MTMR7: variants seen among roughly 807,000 people sequenced by gnomAD.
MTMR7 encodes phosphatidylinositol-3-phosphate phosphatase MTMR7.
In MTMR7, 76 loss-of-function variants were observed where a neutral mutation model predicts 81.2. That is an observed-to-expected ratio of 0.94 (90% CI 0.78 to 1.13). The LOEUF (loss-of-function observed/expected upper bound fraction) is 1.13, where lower values mean the gene tolerates loss of function less well. MTMR7 is among the 50% of genes most tolerant of loss of function. The pLI, the probability that MTMR7 is intolerant of heterozygous loss-of-function variation, is 0.00. For synonymous variants in MTMR7, 372 were observed against 289.8 expected (o/e 1.28, Z -2.88); for missense variants, 1,044 against 820.0 (o/e 1.27, Z -3.34).
In MTMR7 at chr8:17,312,705, T is replaced by G. The variant is rs114548454; in HGVS notation, c.975+587A>C. On this transcript the variant is annotated intron_variant, in intron 8 of 13. Coordinates refer to ENST00000180173, the MANE Select transcript of MTMR7 (RefSeq NM_004686.5). ...ATCTAGAATAGTACCTGGCACTAAA[T>G]AAAGATTTCTTGAATAAATGATTAC... Among the ~76,000 whole-genome samples the G allele has an allele frequency of 4.2e-3, 635 of 151,866 alleles. 7 individuals are homozygous for G. Among genetic ancestry groups the G allele is most frequent in the African/African-American group, 0.014 (573 of 41,438 alleles).
intron 8 of MTMR7, 37 bp downstream of exon 8, chr8:17,313,255 A>C (rs1285454917): frequency 6.7e-7 from 1 of 1,498,426 alleles, no homozygotes; most frequent in South Asian, 1.1e-5. Flanking sequence ...TGGTTTGCTC[A>C]TCTGTCCCTT....
intron 13 of MTMR7, 27 bp downstream of exon 13, chr8:17,302,127 T>C (rs745761036): frequency 1.5e-5 from 24 of 1,613,602 alleles, no homozygotes; most frequent in South Asian, 8.8e-5. Context: ...GCACAGAAAA[T>C]AGATTAACAA....
rs890804347 is a variant in MTMR7 at position 17,315,706 on chromosome 8, G to GA, written c.866-2306dup. On this transcript the variant is annotated intron_variant, in intron 7 of 13. Transcript: ENST00000180173. ...CACAACTGCTCCAGATGTCTCTTAA[G>GA]AAAAAAAAACAAAACAGAAAAAAGG... is the stretch of plus-strand genomic sequence containing the variant. Among the ~76,000 whole-genome samples, 144 of 149,742 alleles carry GA rather than the reference G, an allele frequency of 9.6e-4. 1 individual carries two copies. The highest frequency in any genetic ancestry group is 3.5e-3 in the Middle Eastern group (1 of 284).
chr8:17,344,978 C>G (rs1819508020), intron 5 of MTMR7, among the ~76,000 whole-genome samples: 1 of 152,004 alleles, frequency 6.6e-6, no homozygotes, highest in Non-Finnish European at 1.5e-5. Flanking sequence ...AAAAAAAATC[C>G]TAGCGTAATA....
intron 5 of MTMR7, among the ~76,000 whole-genome samples, chr8:17,343,579 C>A (rs954934813): frequency 6.6e-6 from 1 of 152,138 alleles, no homozygotes; most frequent in Admixed American, 6.5e-5. Context: ...ACACCAACTA[C>A]AAAATGAAGC....
At chr8:17,313,015 G>A (rs1817877507) in intron 8 of MTMR7, among the ~76,000 whole-genome samples, 1 of 152,206 alleles carries the variant, frequency 6.6e-6, no homozygotes, top group Admixed American at 6.5e-5. Context: ...GTATTCTACA[G>A]AAAATTCTTT....
chr8:17,378,506 T>TGTACA (rs1820659443), intron 1 of MTMR7, among the ~76,000 whole-genome samples: 1 of 152,204 alleles, frequency 6.6e-6, no homozygotes, highest in African/African-American at 2.4e-5. Flanking sequence ...ACATATATGC[T>TGTACA]GTACATACTA....
At position 17,405,393 on chromosome 8, in the gene MTMR7, C is replaced by G. The variant is rs560803133; in HGVS notation, c.24+7876G>C. Among the ~76,000 whole-genome samples the G allele has an allele frequency of 2.6e-5, 4 of 152,126 alleles. No homozygotes were observed. The South Asian group carries it at 8.3e-4, about 32-fold the overall frequency. On this transcript the variant is annotated intron_variant, in intron 1 of 13. Coordinates refer to ENST00000180173, the MANE Select transcript of MTMR7 (RefSeq NM_004686.5). Reference sequence around the variant, plus strand: ...CTTCATATTGACTCTCCACGCTCCCCCTCCCAAGTCTAAGGGGCAATATGG... The same window carrying G: ...CTTCATATTGACTCTCCACGCTCCCGCTCCCAAGTCTAAGGGGCAATATGG...
At chr8:17,389,823 T>C (rs1821049671) in intron 1 of MTMR7, among the ~76,000 whole-genome samples, 1 of 151,938 alleles carries the variant, frequency 6.6e-6, no homozygotes, top group African/African-American at 2.4e-5. Context: ...AAATGGAGAA[T>C]ACTGGAGGAG....
At chr8:17,386,470 C>T (rs1465883720) in intron 1 of MTMR7, among the ~76,000 whole-genome samples, 1 of 152,194 alleles carries the variant, frequency 6.6e-6, no homozygotes, top group Non-Finnish European at 1.5e-5. Context: ...GAGCAAGAGA[C>T]AGAAATCTCA....
chr8:17,360,912 G>A (rs758934915), intron 4 of MTMR7, among the ~76,000 whole-genome samples: 1 of 152,138 alleles, frequency 6.6e-6, no homozygotes, highest in East Asian at 1.9e-4. Context: ...GGTCTGGAAG[G>A]GGTGATCTGT....
chr8:17,372,940 G>C, intron 2 of MTMR7, 178 bp downstream of exon 2: 1 of 632,454 alleles, frequency 1.6e-6, no homozygotes, highest in Non-Finnish European at 2.6e-6. Context: ...AAAATGAATA[G>C]TCGATCAAGT....
chr8:17,373,564 A>T (rs1820484874), intron 1 of MTMR7, among the ~76,000 whole-genome samples: 1 of 152,210 alleles, frequency 6.6e-6, no homozygotes, highest in African/African-American at 2.4e-5. Context: ...TTTCTAATTT[A>T]AAGCAGAAAG....
chr8:17,365,576 C>A (rs372008792), intron 3 of MTMR7, among the ~76,000 whole-genome samples: 1 of 152,168 alleles, frequency 6.6e-6, no homozygotes, highest in Non-Finnish European at 1.5e-5. Context: ...TAGTGACCAG[C>A]AGCTTTCAGC....
chr8:17,333,460 T>A (rs1819117671), intron 6 of MTMR7, among the ~76,000 whole-genome samples: 2 of 152,248 alleles, frequency 1.3e-5, no homozygotes, highest in African/African-American at 4.8e-5. Flanking sequence ...AAAGTATCCT[T>A]ACGTGACATG....
intron 3 of MTMR7, 128 bp downstream of exon 3, chr8:17,370,909 T>C (rs1040487521): frequency 4.3e-6 from 4 of 927,060 alleles, no homozygotes; most frequent in Admixed American, 2.9e-5. Flanking sequence ...GCTTATCCTC[T>C]CCTGAGAACG....
intron 5 of MTMR7, among the ~76,000 whole-genome samples, chr8:17,342,155 T>TCA (rs1447003488): frequency 6.6e-6 from 1 of 152,086 alleles, no homozygotes; most frequent in Non-Finnish European, 1.5e-5. Context: ...TCTGACAGAG[T>TCA]AGATTGCACT....
chr8:17,413,284 G>A lies in MTMR7; in HGVS notation c.9C>T (p.His3=). 1.3e-6 allele frequency: 2 copies of A among 1,547,300 alleles called. No individual in the cohort carries two copies. The highest frequency in any genetic ancestry group is 2.4e-5 in the South Asian group (2 of 83,938). The change falls in exon 1 of 14, where the codon CAC becomes CAT. Residue 3 remains histidine (H), a synonymous_variant. Transcript: ENST00000180173. ...TGTCACCAACCTTGGGCGTACGGATGTGCTCCATGGCTGGCCCACGTCTGC... is the reference window on the plus strand; with the variant it reads ...TGTCACCAACCTTGGGCGTACGGATATGCTCCATGGCTGGCCCACGTCTGC... ME[H]IRTPKVENVR...
intron 1 of MTMR7, among the ~76,000 whole-genome samples, chr8:17,398,387 T>G (rs1256037804): frequency 1.3e-5 from 2 of 151,528 alleles, no homozygotes; most frequent in Non-Finnish European, 2.9e-5. Context: ...AATTCTGGAG[T>G]TGAAAAATGC....
Sources: allele counts gnomAD v4.1 joint callset (sites outside exome capture counted in the v4.1 genomes callset), GRCh38; gene constraint gnomAD v4.1.1; transcripts MANE v1.5; gene names NCBI Gene and HGNC (gene_info 2026-07-23, HGNC 2026-07-21).